The following SPATA6 variants were observed in gnomAD, a reference collection of about 807,000 sequenced individuals.
SPATA6 encodes the protein spermatogenesis associated 6.
In SPATA6, 56 loss-of-function variants were observed where a neutral mutation model predicts 65.3. The ratio of observed to expected loss-of-function variants is 0.86; its 90% CI spans 0.69 to 1.07. The LOEUF (loss-of-function observed/expected upper bound fraction) is 1.07, where lower values mean the gene tolerates loss of function less well. Ranked by LOEUF, SPATA6 falls within the 50% of genes least tolerant of loss-of-function variation. The probability of loss-of-function intolerance (pLI) is 0.00; values close to 1 mark genes in which losing one functional copy is unlikely to be tolerated. For missense variants in SPATA6, 590 were observed against 594.8 expected, an observed-to-expected ratio of 0.99 and a Z score of 0.08; for synonymous variants, 199 against 213.2, an observed-to-expected ratio of 0.93 and a Z score of 0.58.
downstream of SPATA6, among the ~76,000 whole-genome samples, chr1:48,292,285 G>A (rs912837608): frequency 2.6e-5 from 4 of 152,192 alleles, no homozygotes; most frequent in African/African-American, 9.7e-5. Flanking sequence ...GCTGTAACCT[G>A]TCACAGCTCT....
downstream of SPATA6, among the ~76,000 whole-genome samples, chr1:48,291,648 A>G (rs1032738111): frequency 6.6e-6 from 1 of 152,180 alleles, no homozygotes; most frequent in African/African-American, 2.4e-5. Flanking sequence ...AGCAGGGCTG[A>G]GAACTTGCCC....
At chr1:48,337,892 G>A (rs1295841777) in intron 11 of SPATA6, among the ~76,000 whole-genome samples, 1 of 151,918 alleles carries the variant, frequency 6.6e-6, no homozygotes, top group African/African-American at 2.4e-5. Flanking sequence ...TAAGATGTCA[G>A]TTCTCCTCCA....
intron 11 of SPATA6, among the ~76,000 whole-genome samples, chr1:48,353,175 C>T (rs1248831435): frequency 6.6e-6 from 1 of 151,486 alleles, no homozygotes; most frequent in Non-Finnish European, 1.5e-5. Flanking sequence ...GTGTTTTATA[C>T]ATGTAGAATT....
At chr1:48,406,029 T>C (rs908905195) in intron 5 of SPATA6, among the ~76,000 whole-genome samples, 11 of 151,964 alleles carry the variant, frequency 7.2e-5, no homozygotes, top group African/African-American at 2.7e-4. Flanking sequence ...GCTCCTAAAA[T>C]GCAGTTTCTC....
chr1:48,413,463 T>TC (rs1652465606), intron 3 of SPATA6, among the ~76,000 whole-genome samples: 1 of 150,124 alleles, frequency 6.7e-6, no homozygotes, highest in Non-Finnish European at 1.5e-5. Flanking sequence ...ATACTTTTTT[T>TC]TTTTTTTTTT....
Position 48,452,993 on chromosome 1 carries a change from C to G in SPATA6, c.189+1G>C. 6.2e-7 allele frequency: 1 copy of G among 1,610,834 alleles called. No homozygotes were observed. Among genetic ancestry groups the G allele is most frequent in the Non-Finnish European group, 8.5e-7 (1 of 1,179,200 alleles). On this transcript the variant is annotated splice_donor_variant, in intron 2 of 12. Transcript: ENST00000371847. LOFTEE classifies it high-confidence loss of function. ...ATACTTGATCTGATATTTGAACTCA[C>G]CTTTTCAAACACCATTCTGGCATTG... is the stretch of plus-strand genomic sequence containing the variant.
At chr1:48,319,320 G>A (rs1339565625) in intron 11 of SPATA6, among the ~76,000 whole-genome samples, 1 of 152,084 alleles carries the variant, frequency 6.6e-6, no homozygotes, top group Non-Finnish European at 1.5e-5. Flanking sequence ...GAAGGTGGAA[G>A]ACAAACCACA....
chr1:48,425,855 C>T (rs899658602), intron 3 of SPATA6, among the ~76,000 whole-genome samples: 2 of 151,332 alleles, frequency 1.3e-5, no homozygotes, highest in African/African-American at 4.9e-5. Context: ...AAAAAAAATG[C>T]TTCTTGAAGA....
rs1253929304 is a variant in SPATA6 at position 48,384,326 on chromosome 1, G to GAGGGACAGGGAC, written c.909+971_909+982dup. The stretch of plus-strand genomic sequence containing the variant: ...GGCTCGGCATCAGAGGGAGACCGTG[G>GAGGGACAGGGAC]AGGGACAGGGACAGGGACAGGGACA... On this transcript the variant is annotated intron_variant, in intron 9 of 12. Transcript: ENST00000371847. Among the ~76,000 whole-genome samples the GAGGGACAGGGAC allele has an allele frequency of 2.3e-3, 208 of 90,118 alleles. 21 individuals carry two copies. The highest frequency in any genetic ancestry group is 0.013 in the African/African-American group (191 of 14,234). The allele number at this position is 90,118 out of a possible 152,430, so 59.1% of individuals were successfully genotyped here. A position where few individuals can be genotyped will look rare whatever the true frequency, so the allele number is the denominator to read the frequency against.
At position 48,400,245 on chromosome 1, in the gene SPATA6, G is replaced by C. The variant is rs924024862; in HGVS notation, c.487-601C>G. 4.0e-5 allele frequency among the ~76,000 whole-genome samples: 6 copies of C among 151,854 alleles called. No individual in the cohort carries two copies. The East Asian group carries it at 9.7e-4, about 24-fold the overall frequency. ...TCCGAGCTGTAACTTCACAATGACA[G>C]ATAAACATACCATCTTAATTCTGGT... On this transcript the variant is annotated intron_variant, in intron 6 of 12. Transcript: ENST00000371847.
At chr1:48,375,308 C>G (rs1045580234) in intron 9 of SPATA6, among the ~76,000 whole-genome samples, 1 of 152,102 alleles carries the variant, frequency 6.6e-6, no homozygotes, top group African/African-American at 2.4e-5. Flanking sequence ...ACTAACAATA[C>G]TAATATGTAT....
chr1:48,390,373 T>A (rs1034306968), intron 8 of SPATA6, among the ~76,000 whole-genome samples: 1 of 152,128 alleles, frequency 6.6e-6, no homozygotes, highest in African/African-American at 2.4e-5. Context: ...TATTCTCTCA[T>A]AGAAAGTAGA....
chr1:48,283,391 C>A, the SPATA6 span, among the ~76,000 whole-genome samples: 27 of 150,800 alleles, frequency 1.8e-4, no homozygotes, highest in Non-Finnish European at 3.4e-4. Flanking sequence ...ATTGAAAATT[C>A]TTTTCTTGGC....
chr1:48,400,952 T>C (rs1651105557), intron 6 of SPATA6: 1 of 471,416 alleles, frequency 2.1e-6, no homozygotes, highest in Non-Finnish European at 3.1e-6. Context: ...CTAGAAATGA[T>C]CTTTGAGTTT....
chr1:48,299,027 T>A, intron 12 of SPATA6, 134 bp from the exon 13 acceptor site: 1 of 820,274 alleles, frequency 1.2e-6, no homozygotes, highest in Non-Finnish European at 1.8e-6. Context: ...TAAAACAGAG[T>A]AAGGCCTGTG....
chr1:48,448,002 AG>A (rs1360267871), intron 3 of SPATA6: 6 of 152,194 alleles, frequency 3.9e-5, no homozygotes, highest in Non-Finnish European at 8.8e-5. Flanking sequence ...GCTAATAAAA[AG>A]CTTATATTAG....
intron 11 of SPATA6, among the ~76,000 whole-genome samples, chr1:48,354,468 A>C (rs1297309060): frequency 6.6e-6 from 1 of 152,110 alleles, no homozygotes; most frequent in Non-Finnish European, 1.5e-5. Context: ...CCCAAACCCA[A>C]AACAAACCAA....
At chr1:48,313,118 C>A (rs12035077) in intron 11 of SPATA6, among the ~76,000 whole-genome samples, 10,896 of 152,206 alleles carry the variant, frequency 0.072, 516 homozygotes, top group East Asian at 0.2. Flanking sequence ...GGAAAACACT[C>A]CACAGGATAT....
intron 11 of SPATA6, among the ~76,000 whole-genome samples, chr1:48,352,619 AAG>A (rs1646542008): frequency 6.6e-6 from 1 of 152,078 alleles, no homozygotes; most frequent in South Asian, 2.1e-4. Flanking sequence ...GTGTAATTTG[AAG>A]TTCCAGAAAA....
Sources: allele counts gnomAD v4.1 joint callset (sites outside exome capture counted in the v4.1 genomes callset), GRCh38; gene constraint gnomAD v4.1.1; transcripts MANE v1.5; gene names NCBI Gene and HGNC (gene_info 2026-07-23, HGNC 2026-07-21).